IL20RB: variants seen among roughly 807,000 people sequenced by gnomAD.
IL20RB encodes the protein interleukin 20 receptor subunit beta.
IL20RB carries 21 observed loss-of-function variants against 33.3 expected under a neutral mutation model. The ratio of observed to expected loss-of-function variants is 0.63; its 90% confidence interval spans 0.45 to 0.91. The LOEUF is 0.91. IL20RB is among the 40% of genes least tolerant of loss of function. The pLI is 0.00. For synonymous variants in IL20RB, 147 were observed against 146.8 expected, an observed-to-expected ratio of 1.00 and a Z score of -0.01; for missense variants, 345 against 384.8, an observed-to-expected ratio of 0.90 and a Z score of 0.86.
chr3:136,989,468 T>C lies in IL20RB; in HGVS notation c.434T>C (p.Ile145Thr). 6.2e-7 allele frequency: 1 copy of C among 1,613,976 alleles called. No individual in the cohort carries two copies. Among genetic ancestry groups the C allele is most frequent in the East Asian group, 2.2e-5 (1 of 44,864 alleles). The change falls in exon 4 of 7, where the codon ATC becomes ACC. Residue 145 changes from isoleucine to threonine, a missense_variant. Physicochemically the swap from Ile to Thr is moderately conservative, Grantham distance 89. Transcript: ENST00000329582. The stretch of plus-strand genomic sequence containing the variant: ...ATCCTTACCCGACCTGGGATGGAGA[T>C]CACCAAAGATGGCTTCCACCTGGTT... ...STILTRPGME[I>T]TKDGFHLVIE...
At chr3:137,003,343 G>T (rs1469887842) in intron 6 of IL20RB, among the ~76,000 whole-genome samples, 1 of 152,072 alleles carries the variant, frequency 6.6e-6, no homozygotes, top group East Asian at 1.9e-4. Flanking sequence ...GGCATTGAAT[G>T]TATAAATTAC....
At chr3:137,009,747 G>A (rs1376774574) in intron 6 of IL20RB, among the ~76,000 whole-genome samples, 1 of 152,052 alleles carries the variant, frequency 6.6e-6, no homozygotes, top group African/African-American at 2.4e-5. Context: ...TGTTGCCCAG[G>A]CTGGTCTCTA....
intron 6 of IL20RB, among the ~76,000 whole-genome samples, chr3:136,999,985 A>T (rs1175289613): frequency 6.6e-6 from 1 of 152,158 alleles, no homozygotes. Flanking sequence ...GGGTCATGTC[A>T]AGGTTGGCCT....
intron 2 of IL20RB, among the ~76,000 whole-genome samples, chr3:136,980,923 T>C (rs1941756381): frequency 6.6e-6 from 1 of 151,740 alleles, no homozygotes; most frequent in Non-Finnish European, 1.5e-5. Flanking sequence ...GGTGGAGGAG[T>C]CCTCACTTTT....
chr3:136,971,724 T>C (rs1365683571), intron 1 of IL20RB, among the ~76,000 whole-genome samples: 1 of 152,222 alleles, frequency 6.6e-6, no homozygotes, highest in East Asian at 1.9e-4. Context: ...ATTTTCTTTA[T>C]CCATTCATCC....
At chr3:136,998,961 G>C (rs1462930514) in intron 6 of IL20RB, among the ~76,000 whole-genome samples, 3 of 152,046 alleles carry the variant, frequency 2.0e-5, no homozygotes, top group African/African-American at 7.2e-5. Flanking sequence ...ATTACCATTG[G>C]CTTTCACCAG....
chr3:137,002,189 G>T (rs947152143), intron 6 of IL20RB, among the ~76,000 whole-genome samples: 1 of 152,150 alleles, frequency 6.6e-6, no homozygotes, highest in Admixed American at 6.5e-5. Context: ...GGACATTTGG[G>T]TTGGTTCCAA....
intron 2 of IL20RB, among the ~76,000 whole-genome samples, chr3:136,981,761 T>C (rs948485576): frequency 2.6e-5 from 4 of 152,128 alleles, no homozygotes; most frequent in Non-Finnish European, 5.9e-5. Flanking sequence ...TGGCAAGAGT[T>C]TGGATCCCAT....
chr3:136,960,528 C>T (rs2108168850), intron 1 of IL20RB, among the ~76,000 whole-genome samples: 1 of 152,296 alleles, frequency 6.6e-6, no homozygotes, highest in Admixed American at 6.5e-5. Flanking sequence ...GATTATGCTA[C>T]CAATAGTAAT....
chr3:136,977,950 TG>T (rs1941667395), intron 1 of IL20RB, among the ~76,000 whole-genome samples: 1 of 152,218 alleles, frequency 6.6e-6, no homozygotes, highest in Non-Finnish European at 1.5e-5. Context: ...TTACTTATTT[TG>T]CTTGCCTTAT....
At chr3:136,980,662 C>T in intron 2 of IL20RB, 70 bp downstream of exon 2, 1 of 1,578,152 alleles carries the variant, frequency 6.3e-7, no homozygotes, top group Non-Finnish European at 8.7e-7. Context: ...AGCCCTTCCT[C>T]CTGAGCCCAA....
At chr3:136,971,654 G>A (rs1476466954) in intron 1 of IL20RB, among the ~76,000 whole-genome samples, 1 of 152,156 alleles carries the variant, frequency 6.6e-6, no homozygotes, top group East Asian at 1.9e-4. Flanking sequence ...TGCTGCCAAT[G>A]ACATGATTCC....
At chr3:136,985,826 A>C (rs1239096511) in intron 3 of IL20RB, among the ~76,000 whole-genome samples, 1 of 152,186 alleles carries the variant, frequency 6.6e-6, no homozygotes, top group Non-Finnish European at 1.5e-5. Flanking sequence ...TTTCATGTAC[A>C]GCCAGGGTTG....
At chr3:136,961,414 TA>T (rs1174787307) in intron 1 of IL20RB, among the ~76,000 whole-genome samples, 1 of 151,924 alleles carries the variant, frequency 6.6e-6, no homozygotes, top group Non-Finnish European at 1.5e-5. Context: ...TTTTAAAAGC[TA>T]AATTCCGTGA....
At position 136,962,718 on chromosome 3, in the gene IL20RB, C is replaced by G. The variant is rs533157281; in HGVS notation, c.88+4517C>G. On this transcript the variant is annotated intron_variant, in intron 1 of 6. Coordinates refer to ENST00000329582, the MANE Select transcript of IL20RB (RefSeq NM_144717.4). ...AGCGAGCCGAGATTGCACCACTGCA[C>G]TCCAGTCTGGCAACAGAGCAAGACT... 3.3e-4 allele frequency among the ~76,000 whole-genome samples: 49 copies of G among 149,574 alleles called. No individual in the cohort carries two copies. In the East Asian group the frequency reaches 9.7e-3, roughly 30 times the overall value.
At chr3:136,962,989 T>C (rs1309974008) in intron 1 of IL20RB, among the ~76,000 whole-genome samples, 1 of 152,156 alleles carries the variant, frequency 6.6e-6, no homozygotes, top group Non-Finnish European at 1.5e-5. Flanking sequence ...GCTATGGTTA[T>C]GTACATATGG....
chr3:136,994,282 G>A (rs1314001115), intron 5 of IL20RB, among the ~76,000 whole-genome samples: 1 of 152,060 alleles, frequency 6.6e-6, no homozygotes, highest in East Asian at 1.9e-4. Flanking sequence ...GAGTGTAATT[G>A]GATTGTTTGT....
At chr3:136,980,263 G>A in intron 1 of IL20RB, 1 of 566,914 alleles carries the variant, frequency 1.8e-6, no homozygotes, top group East Asian at 3.1e-5. Flanking sequence ...TAAAATTAGA[G>A]TTGTTTCTGG....
At chr3:136,963,961 G>C (rs1382673200) in intron 1 of IL20RB, among the ~76,000 whole-genome samples, 2 of 57,178 alleles carry the variant, frequency 3.5e-5, no homozygotes, top group Admixed American at 2.3e-4. Flanking sequence ...TTTTGTTCTT[G>C]CGATAGTTTA....
Sources: gnomAD v4.1 joint callset for allele counts (sites outside exome capture counted in the v4.1 genomes callset) on GRCh38, gnomAD v4.1.1 for gene constraint, MANE v1.5 for transcripts, NCBI Gene and HGNC (gene_info 2026-07-23, HGNC 2026-07-21) for gene names.